Variants in CLVS2 observed in about 807,000 individuals in gnomAD.
CLVS2 encodes the protein clavesin-2.
Under a neutral mutation model 29.0 loss-of-function variants are expected in CLVS2, and 19 were observed. That is an observed-to-expected ratio of 0.66 (90% CI 0.46 to 0.96). CLVS2 has a LOEUF of 0.96. Among genes scored for constraint, CLVS2 ranks in the 40% least tolerant of loss-of-function variants. The probability of loss-of-function intolerance (pLI) is 0.00; values close to 1 mark genes in which losing one functional copy is unlikely to be tolerated. For synonymous variants in CLVS2, 161 were observed against 151.3 expected (o/e 1.06, Z -0.47); for missense variants, 294 against 404.1 (o/e 0.73, Z 2.34).
intron 3 of CLVS2, among the ~76,000 whole-genome samples, chr6:123,035,407 A>C (rs181776868): frequency 6.6e-6 from 1 of 152,136 alleles, no homozygotes; most frequent in Non-Finnish European, 1.5e-5. Flanking sequence ...TATTATCAAA[A>C]TCTGATCCAA....
intron 3 of CLVS2, among the ~76,000 whole-genome samples, chr6:123,027,588 A>G (rs536879586): frequency 6.6e-6 from 1 of 152,230 alleles, no homozygotes; most frequent in East Asian, 1.9e-4. Context: ...GGTGATTACA[A>G]CTGTCTTCTG....
At position 123,011,046 on chromosome 6, in the gene CLVS2, C is replaced by G. The variant is rs1481069558; in HGVS notation, c.451C>G (p.Pro151Ala). The G allele has an allele frequency of 1.9e-6, 3 of 1,610,058 alleles. No homozygotes were observed. The highest frequency in any genetic ancestry group is 2.7e-5 in the African/African-American group (2 of 74,612). Residue 151 changes from proline (P) to alanine (A), a missense_variant, in exon 3 of 6, where the codon CCT becomes GCT. Pro to Ala is a conservative substitution (Grantham distance 27, BLOSUM62 -1). This residue lies in a region of CLVS2 where 212 missense variants were observed against 336.4 expected (regional missense o/e 0.63). Coordinates refer to ENST00000275162, the MANE Select transcript of CLVS2 (RefSeq NM_001010852.4). ...TTCTTTAGAAGCCATGATTGAAGATCCTGAGCTTCAAGTGAATGGGTTTGT... is the reference window on the plus strand; with the variant it reads ...TTCTTTAGAAGCCATGATTGAAGATGCTGAGCTTCAAGTGAATGGGTTTGT... ...LLSLEAMIED[P>A]ELQVNGFVLI...
chr6:122,999,995 A>G (rs1231247530), intron 2 of CLVS2, among the ~76,000 whole-genome samples: 2 of 152,194 alleles, frequency 1.3e-5, no homozygotes, highest in South Asian at 2.1e-4. Context: ...ATGCTTCCAT[A>G]TAAAGGGCAG....
intron 3 of CLVS2, among the ~76,000 whole-genome samples, chr6:123,017,619 G>A (rs1337183934): frequency 6.6e-6 from 1 of 152,104 alleles, no homozygotes; most frequent in East Asian, 1.9e-4. Flanking sequence ...CATGGTGTGA[G>A]AATGTAGTTT....
chr6:123,010,991 A>G lies in CLVS2; in HGVS notation c.396A>G (p.Thr132=), dbSNP rs745325386. 2.9e-5 allele frequency: 46 copies of G among 1,595,286 alleles called. No individual in the cohort carries two copies. The South Asian group carries it at 3.6e-4, about 13-fold the overall frequency. ...FAANWDQSRY[T]LVDILRAILL... is the part of the protein sequence containing the mutation. ...ACTTTTCTGTCGCCGATAGGTACAC[A>G]CTGGTGGATATTTTGCGTGCCATCT... Residue 132 remains threonine, a synonymous_variant, in exon 3 of 6, where the codon ACA becomes ACG. Coordinates refer to ENST00000275162, the MANE Select transcript of CLVS2 (RefSeq NM_001010852.4).
chr6:123,004,932 AAAAAC>A (rs1263142905), intron 2 of CLVS2, among the ~76,000 whole-genome samples: 95 of 92,930 alleles, frequency 1.0e-3, no homozygotes, highest in African/African-American at 3.9e-3. Flanking sequence ...AAACAAAAAC[AAAAAC>A]AAAAACAAAA....
intron 3 of CLVS2, among the ~76,000 whole-genome samples, chr6:123,024,957 A>G (rs1269874205): frequency 6.6e-6 from 1 of 152,168 alleles, no homozygotes; most frequent in African/African-American, 2.4e-5. Flanking sequence ...GAGGGCAGCT[A>G]TCCCAATATA....
Position 123,048,699 on chromosome 6 carries a change from C to T in CLVS2, c.642C>T (p.Ile214=). The T allele has an allele frequency of 6.2e-7, 1 of 1,613,192 alleles. No homozygotes were observed. The highest frequency in any genetic ancestry group is 8.5e-7 in the Non-Finnish European group (1 of 1,179,310). Residue 214 remains isoleucine, a synonymous_variant, in exon 4 of 6, where the codon ATC becomes ATT. Transcript: ENST00000275162. The part of the protein sequence containing the change: ...PWYIHALYTV[I]RPFLKEKTRK... ...ATATCCATGCCCTGTACACCGTGAT[C>T]CGGCCTTTCCTGAAGGAGAAAACTC...
chr6:123,025,242 G>A (rs887691333), intron 3 of CLVS2, among the ~76,000 whole-genome samples: 7 of 152,028 alleles, frequency 4.6e-5, no homozygotes, highest in African/African-American at 2.4e-5. Flanking sequence ...TATTAAGCAC[G>A]CCTTACCCCC....
At chr6:123,046,985 T>C (rs1413702885) in intron 3 of CLVS2, among the ~76,000 whole-genome samples, 2 of 151,904 alleles carry the variant, frequency 1.3e-5, no homozygotes, top group African/African-American at 2.4e-5. Context: ...GAATAGTGAG[T>C]GGTTGCCTGA....
Position 123,048,807 on chromosome 6 carries a change from G to A in CLVS2, c.675+75G>A, listed in dbSNP as rs151324606. 1.5e-4 allele frequency: 133 copies of A among 876,472 alleles called. No individual in the cohort carries two copies. In the African/African-American group the frequency reaches 2.0e-3, roughly 13 times the overall value. The allele number at this position is 876,472 out of a possible 1,614,324, so 54.3% of individuals were successfully genotyped here. ...TTATAATGCATAATGTGTATATAAT[G>A]TTAGCTATAGTAAAATGTACTTCTA... On this transcript the variant is annotated intron_variant, in intron 4 of 5. Transcript: ENST00000275162.
In CLVS2 at chr6:123,072,478, A is replaced by G. The variant is rs2114382955; in HGVS notation, c.*8717A>G. 6.6e-6 allele frequency: 1 copy of G among 152,246 alleles called. No homozygotes were observed. The highest frequency in any genetic ancestry group is 2.1e-4 in the South Asian group (1 of 4,828). 9.4% of individuals were successfully genotyped at this position (152,246 alleles called of 1,614,324 possible). A position where few individuals can be genotyped will look rare whatever the true frequency, so the allele number is the denominator to read the frequency against. ...AAAACATTCTCTAGAGAAGAGACTA[A>G]TGATTCTTGCTCACAAACAAGGCAG... On this transcript the variant is annotated 3_prime_UTR_variant, in exon 6 of 6. Transcript: ENST00000275162.
At chr6:123,027,453 G>A (rs191107644) in intron 3 of CLVS2, among the ~76,000 whole-genome samples, 23 of 152,228 alleles carry the variant, frequency 1.5e-4, no homozygotes, top group Non-Finnish European at 2.6e-4. Context: ...TTTTGTCTAC[G>A]TCCTCTCCCA....
In CLVS2 at chr6:123,031,647, G is replaced by T. The variant is rs539540473; in HGVS notation, c.565-16975G>T. ...TGTACATCTTAAATAGATACAATTTGTATTTATCAATTATGCCTCAATAGA... is the reference window on the plus strand; with the variant it reads ...TGTACATCTTAAATAGATACAATTTTTATTTATCAATTATGCCTCAATAGA... On this transcript the variant is annotated intron_variant, in intron 3 of 5. Transcript: ENST00000275162. Among the ~76,000 whole-genome samples, 23 of 152,216 alleles carry T rather than the reference G, an allele frequency of 1.5e-4. No homozygotes were observed. The South Asian group carries it at 4.8e-3, about 32-fold the overall frequency.
At chr6:123,061,165 G>C (rs931840467) in intron 5 of CLVS2, among the ~76,000 whole-genome samples, 3 of 152,166 alleles carry the variant, frequency 2.0e-5, no homozygotes, top group Non-Finnish European at 4.4e-5. Flanking sequence ...GCCAGGCATG[G>C]TGGTGCACGC....
intron 3 of CLVS2, among the ~76,000 whole-genome samples, chr6:123,014,030 A>G (rs529085232): frequency 5.9e-5 from 9 of 152,250 alleles, no homozygotes; most frequent in African/African-American, 2.2e-4. Flanking sequence ...CATGGTGTAT[A>G]CGTGCCACAT....
intron 5 of CLVS2, among the ~76,000 whole-genome samples, chr6:123,057,153 A>T (rs1562175736): frequency 6.6e-6 from 1 of 152,068 alleles, no homozygotes; most frequent in African/African-American, 2.4e-5. Context: ...TTCATTTCAC[A>T]TTCACAGAAG....
rs1042966912 is a variant in CLVS2 at position 123,065,600 on chromosome 6, C to T, written c.*1839C>T. 2.4e-4 allele frequency: 36 copies of T among 151,870 alleles called. No individual in the cohort carries two copies. The highest frequency in any genetic ancestry group is 8.7e-4 in the African/African-American group (36 of 41,408). The allele number at this position is 151,870 out of a possible 1,614,324, so 9.4% of individuals were successfully genotyped here. ...TACAGAGATTGGAATGCACTGGGGA[C>T]AACATGTCTCAGCAGTTCTTACCTT... On this transcript the variant is annotated 3_prime_UTR_variant, in exon 6 of 6. Coordinates refer to ENST00000275162, the MANE Select transcript of CLVS2 (RefSeq NM_001010852.4).
At chr6:123,023,384 T>A (rs2114324102) in intron 3 of CLVS2, among the ~76,000 whole-genome samples, 1 of 152,242 alleles carries the variant, frequency 6.6e-6, no homozygotes, top group East Asian at 1.9e-4. Flanking sequence ...TTTTCATTAT[T>A]CAGCTCTTGT....
Sources: gnomAD v4.1 joint callset for allele counts (sites outside exome capture counted in the v4.1 genomes callset) on GRCh38, gnomAD v4.1.1 for gene constraint, gnomAD v4.1.1 regional missense constraint, MANE v1.5 for transcripts, NCBI Gene and HGNC (gene_info 2026-07-23, HGNC 2026-07-21) for gene names.